The following STXBP5L variants were observed in gnomAD, a reference collection of about 807,000 sequenced individuals.
STXBP5L encodes the protein syntaxin-binding protein 5-like.
STXBP5L carries 65 observed loss-of-function variants against 144.5 expected under a neutral mutation model. The ratio of observed to expected loss-of-function variants is 0.45; its 90% CI spans 0.37 to 0.55. The LOEUF is 0.55. STXBP5L is among the 20% of genes least tolerant of loss of function. The probability of loss-of-function intolerance (pLI) is 0.00; values close to 1 mark genes in which losing one functional copy is unlikely to be tolerated. For missense variants in STXBP5L, 1,298 were observed against 1,405.5 expected (o/e 0.92, Z 1.22); for synonymous variants, 505 against 469.6 (o/e 1.08, Z -0.97).
chr3:121,313,264 G>A (rs2043618559), intron 19 of STXBP5L, among the ~76,000 whole-genome samples: 4 of 142,872 alleles, frequency 2.8e-5, no homozygotes, highest in Non-Finnish European at 4.6e-5. Flanking sequence ...CCGGGCAGAG[G>A]GGCTCCTCAC....
chr3:121,085,878 C>T (rs1029151937), intron 5 of STXBP5L, among the ~76,000 whole-genome samples: 8 of 152,030 alleles, frequency 5.3e-5, no homozygotes, highest in Non-Finnish European at 8.8e-5. Flanking sequence ...CAATCCTAAG[C>T]AAAAAGAACA....
At chr3:121,066,441 C>T (rs1215767492) in intron 5 of STXBP5L, among the ~76,000 whole-genome samples, 1 of 150,528 alleles carries the variant, frequency 6.6e-6, no homozygotes, top group Admixed American at 6.6e-5. Flanking sequence ...TTATCATATA[C>T]TTTCTCATGC....
intron 5 of STXBP5L, among the ~76,000 whole-genome samples, chr3:121,081,950 G>C (rs1456060742): frequency 6.6e-6 from 1 of 152,110 alleles, no homozygotes; most frequent in Non-Finnish European, 1.5e-5. Flanking sequence ...TCTATTTCAA[G>C]ATTCTTTATT....
chr3:121,401,896 A>T (rs1342572227), intron 22 of STXBP5L, among the ~76,000 whole-genome samples: 1 of 14,028 alleles, frequency 7.1e-5, no homozygotes, highest in South Asian at 7.8e-3. Flanking sequence ...GAGTATAATA[A>T]AAAAAAAAAA....
intron 10 of STXBP5L, among the ~76,000 whole-genome samples, chr3:121,218,112 A>G (rs2048848199): frequency 7.1e-6 from 1 of 141,582 alleles, no homozygotes; most frequent in African/African-American, 2.6e-5. Context: ...ATAATATACT[A>G]TATAGTATAA....
chr3:121,128,791 T>C (rs2107885133), intron 7 of STXBP5L, among the ~76,000 whole-genome samples: 1 of 152,220 alleles, frequency 6.6e-6, no homozygotes, highest in South Asian at 2.1e-4. Context: ...AGTTTAATTT[T>C]TGACAGTCAC....
chr3:120,954,543 G>GT lies in STXBP5L; in HGVS notation c.190-390dup, dbSNP rs536446890. On this transcript the variant is annotated intron_variant, in intron 2 of 26. Transcript: ENST00000471454. ...GTATGATTATATCATATCACAGTTT[G>GT]TTTTTTTAATTCTTTTGTTGGACAC... Among the ~76,000 whole-genome samples the GT allele has an allele frequency of 3.7e-3, 554 of 151,638 alleles. 1 individual carries two copies. Among genetic ancestry groups the GT allele is most frequent in the Non-Finnish European group, 4.9e-3 (334 of 67,792 alleles).
chr3:120,967,413 C>G (rs1160167284), intron 3 of STXBP5L, among the ~76,000 whole-genome samples: 1 of 152,160 alleles, frequency 6.6e-6, no homozygotes, highest in Non-Finnish European at 1.5e-5. Context: ...TGGAGTTGTT[C>G]CTATTCGGCC....
chr3:121,148,866 T>C (rs1367177566), intron 7 of STXBP5L, among the ~76,000 whole-genome samples: 1 of 152,118 alleles, frequency 6.6e-6, no homozygotes, highest in Non-Finnish European at 1.5e-5. Flanking sequence ...AATTAATTTG[T>C]GGTAGTGCCA....
chr3:121,100,264 C>T (rs1415500054), intron 5 of STXBP5L, among the ~76,000 whole-genome samples: 2 of 152,146 alleles, frequency 1.3e-5, no homozygotes, highest in East Asian at 1.9e-4. Flanking sequence ...TATATGTCTA[C>T]ATAATACTCC....
At chr3:121,125,787 G>T (rs1475201668) in intron 7 of STXBP5L, among the ~76,000 whole-genome samples, 1 of 152,146 alleles carries the variant, frequency 6.6e-6, no homozygotes, top group African/African-American at 2.4e-5. Context: ...ACAACATAAG[G>T]CATTCAATCT....
intron 3 of STXBP5L, among the ~76,000 whole-genome samples, chr3:121,005,343 G>A (rs1054018704): frequency 6.6e-6 from 1 of 152,124 alleles, no homozygotes; most frequent in African/African-American, 2.4e-5. Context: ...TTGCATAGTG[G>A]TGTTTATAGT....
intron 9 of STXBP5L, among the ~76,000 whole-genome samples, chr3:121,203,003 A>G (rs774621865): frequency 2.3e-4 from 34 of 150,812 alleles, no homozygotes; most frequent in African/African-American, 4.4e-4. Flanking sequence ...TCAATTATGT[A>G]TATTCTTGTG....
intron 3 of STXBP5L, among the ~76,000 whole-genome samples, chr3:120,989,863 C>G (rs905321065): frequency 3.3e-5 from 5 of 152,078 alleles, no homozygotes; most frequent in African/African-American, 1.2e-4. Context: ...ACTGAATGGG[C>G]AAAAACTTGA....
rs1180655112 is a variant in STXBP5L at position 121,015,977 on chromosome 3, TATA to T, written c.288-25718_288-25716del. Among the ~76,000 whole-genome samples the T allele has an allele frequency of 2.0e-5, 3 of 152,314 alleles. No individual in the cohort carries two copies. The East Asian group carries it at 5.8e-4, about 29-fold the overall frequency. ...ACCATAACATGCTAACCAGTCTTCATATAATAACAAGTGCAGACTCTGTCTGAG... is the reference window on the plus strand; with the variant it reads ...ACCATAACATGCTAACCAGTCTTCATATAACAAGTGCAGACTCTGTCTGAG... On this transcript the variant is annotated intron_variant, in intron 3 of 26. Transcript: ENST00000471454.
At chr3:121,070,247 C>G (rs1338880460) in intron 5 of STXBP5L, among the ~76,000 whole-genome samples, 1 of 152,174 alleles carries the variant, frequency 6.6e-6, no homozygotes, top group South Asian at 2.1e-4. Flanking sequence ...ACAAAGGCAG[C>G]ATTACGACAT....
At chr3:121,194,650 T>A (rs2047848991) in intron 9 of STXBP5L, among the ~76,000 whole-genome samples, 1 of 152,206 alleles carries the variant, frequency 6.6e-6, no homozygotes, top group Non-Finnish European at 1.5e-5. Flanking sequence ...TTGATACTAA[T>A]TCTTCCTCAA....
chr3:121,069,029 C>T (rs1380044557), intron 5 of STXBP5L, among the ~76,000 whole-genome samples: 1 of 151,974 alleles, frequency 6.6e-6, no homozygotes, highest in Non-Finnish European at 1.5e-5. Context: ...CTTGAATGTG[C>T]ATAGTTATAT....
intron 7 of STXBP5L, among the ~76,000 whole-genome samples, chr3:121,131,716 A>T (rs189502349): frequency 6.6e-6 from 1 of 152,240 alleles, no homozygotes; most frequent in Non-Finnish European, 1.5e-5. Context: ...GCATAAAAAG[A>T]AAACTGGTTT....
Sources: gnomAD v4.1 joint callset for allele counts (sites outside exome capture counted in the v4.1 genomes callset) on GRCh38, gnomAD v4.1.1 for gene constraint, MANE v1.5 for transcripts, NCBI Gene and HGNC (gene_info 2026-07-23, HGNC 2026-07-21) for gene names.